Variants in MCM9 observed in about 807,000 individuals in gnomAD.
MCM9 encodes minichromosome maintenance 9 homologous recombination repair factor, also known as DNA helicase MCM9.
A neutral mutation model predicts 72.8 loss-of-function variants in MCM9; 55 were observed. That is an observed-to-expected ratio of 0.76 (90% confidence interval 0.61 to 0.95). The LOEUF is 0.95. Among genes scored for constraint, MCM9 ranks in the 40% least tolerant of loss-of-function variants. The pLI is 0.00. For synonymous variants in MCM9, 480 were observed against 503.4 expected (o/e 0.95, Z 0.62); for missense variants, 1,279 against 1,377.0 (o/e 0.93, Z 1.13).
chr6:118,820,417 T>C (rs1303075993), intron 13 of MCM9, among the ~76,000 whole-genome samples: 2 of 152,190 alleles, frequency 1.3e-5, no homozygotes, highest in African/African-American at 4.8e-5. Flanking sequence ...TCAGTTTCCA[T>C]GTAGTTGTGC....
At chr6:118,826,440 T>G (rs1427618213) in intron 12 of MCM9, 148 bp from the exon 13 acceptor site, 6 of 798,676 alleles carry the variant, frequency 7.5e-6, no homozygotes, top group Non-Finnish European at 1.1e-5. Flanking sequence ...CTTTTTCAAC[T>G]TTCTATAGTT....
chr6:118,841,140 G>A (rs1583397312), intron 9 of MCM9, among the ~76,000 whole-genome samples: 1 of 152,304 alleles, frequency 6.6e-6, no homozygotes, highest in East Asian at 1.9e-4. Context: ...TTACAAGCAA[G>A]GGGAATAGGA....
At chr6:118,850,489 A>G (rs1463892835) in intron 9 of MCM9, among the ~76,000 whole-genome samples, 1 of 151,910 alleles carries the variant, frequency 6.6e-6, no homozygotes, top group African/African-American at 2.4e-5. Context: ...CAGAGACGAC[A>G]GTTATCACCC....
At chr6:118,851,317 T>C (rs1562410309) in intron 9 of MCM9, among the ~76,000 whole-genome samples, 1 of 151,786 alleles carries the variant, frequency 6.6e-6, no homozygotes, top group Admixed American at 6.5e-5. Flanking sequence ...ACCCAAGCTC[T>C]GTTACTATAA....
intron 8 of MCM9, among the ~76,000 whole-genome samples, chr6:118,858,284 A>G (rs1428376625): frequency 6.6e-6 from 1 of 152,202 alleles, no homozygotes; most frequent in African/African-American, 2.4e-5. Context: ...CAATAGATAC[A>G]GAAAATACAT....
chr6:118,888,627 CAT>C (rs770145166), intron 8 of MCM9, among the ~76,000 whole-genome samples: 90 of 152,218 alleles, frequency 5.9e-4, no homozygotes, highest in African/African-American at 1.3e-3. Context: ...AATTTGTACA[CAT>C]ATGTTAATAG....
chr6:118,884,085 T>A (rs571533324), intron 8 of MCM9, among the ~76,000 whole-genome samples: 1 of 152,294 alleles, frequency 6.6e-6, no homozygotes, highest in East Asian at 1.9e-4. Context: ...TATATTGGAT[T>A]AAGGAAATGA....
rs1293776195 is a variant in MCM9 at position 118,826,823 on chromosome 6, C to T, written c.1774G>A (p.Asp592Asn). 6.4e-7 allele frequency: 1 copy of T among 1,550,466 alleles called. No homozygotes were observed. Among genetic ancestry groups the T allele is most frequent in the African/African-American group, 1.4e-5 (1 of 73,162 alleles). ...ATGACTGACACCACCGTAATAGCGT[C>T]TTCCAGAGTTACAGTATCACGAAAC... ...LMFRDTVTLE[D>N]AITVVSVMES... The change falls in exon 12 of 14, where the codon GAC becomes AAC. Residue 592 changes from aspartate (D) to asparagine (N), a missense_variant. Physicochemically the swap from Asp to Asn is conservative, Grantham distance 23. Coordinates refer to ENST00000619706, the MANE Select transcript of MCM9 (RefSeq NM_017696.3).
chr6:118,819,655 C>G (rs746045091), intron 13 of MCM9, among the ~76,000 whole-genome samples: 11 of 152,154 alleles, frequency 7.2e-5, no homozygotes, highest in Non-Finnish European at 1.3e-4. Context: ...AGTGGGGAGT[C>G]CCTCTTTTTC....
At chr6:118,899,816 C>T (rs926912738) in intron 8 of MCM9, among the ~76,000 whole-genome samples, 1 of 152,236 alleles carries the variant, frequency 6.6e-6, no homozygotes, top group Non-Finnish European at 1.5e-5. Context: ...GAAACTCACC[C>T]TTTGGGAGTG....
chr6:118,858,618 TCTA>T (rs1425960836), intron 8 of MCM9, among the ~76,000 whole-genome samples: 1 of 152,104 alleles, frequency 6.6e-6, no homozygotes, highest in Non-Finnish European at 1.5e-5. Flanking sequence ...TCCCAAATAA[TCTA>T]CTAAAAACCA....
intron 13 of MCM9, among the ~76,000 whole-genome samples, chr6:118,822,137 A>G (rs762642116): frequency 5.3e-5 from 8 of 152,122 alleles, no homozygotes; most frequent in Non-Finnish European, 1.2e-4. Context: ...CAATTCGTCA[A>G]TCTCATTCTC....
Position 118,911,644 on chromosome 6 carries a change from C to T in MCM9, c.1150+6G>A, listed in dbSNP as rs753632885. ...TTAAATTACTTGAAATTGTCACATA[C>T]AATACCTGCACTAGTAGATCCAATT... On this transcript the variant is annotated splice_donor_region_variant and intron_variant, in intron 8 of 13. Transcript: ENST00000619706. The T allele has an allele frequency of 1.9e-6, 3 of 1,605,784 alleles. No individual in the cohort carries two copies. The highest frequency in any genetic ancestry group is 2.2e-5 in the East Asian group (1 of 44,634).
intron 3 of MCM9, among the ~76,000 whole-genome samples, chr6:118,928,608 G>A (rs1782101095): frequency 6.6e-6 from 1 of 151,802 alleles, no homozygotes; most frequent in Non-Finnish European, 1.5e-5. Flanking sequence ...AGTACTTTGG[G>A]AGGCTGAAGC....
At chr6:118,851,183 A>G (rs1401724367) in intron 9 of MCM9, among the ~76,000 whole-genome samples, 1 of 151,836 alleles carries the variant, frequency 6.6e-6, no homozygotes, top group Non-Finnish European at 1.5e-5. Context: ...AGCATGTATT[A>G]GAAACATTTC....
chr6:118,901,680 A>G, intron 8 of MCM9, among the ~76,000 whole-genome samples: 1 of 152,310 alleles, frequency 6.6e-6, no homozygotes. Context: ...ATGCTTATTT[A>G]TAAGGGAGAT....
chr6:118,905,883 G>A (rs747198371), intron 8 of MCM9: 21 of 1,338,308 alleles, frequency 1.6e-5, no homozygotes, highest in Non-Finnish European at 1.9e-5. Context: ...TTTTAAAGCA[G>A]TTGCTATTGC....
intron 3 of MCM9, among the ~76,000 whole-genome samples, chr6:118,929,028 T>C (rs1782154421): frequency 6.6e-6 from 1 of 151,976 alleles, no homozygotes; most frequent in Non-Finnish European, 1.5e-5. Flanking sequence ...AAGACCAGCC[T>C]GAGCAACATG....
intron 8 of MCM9, among the ~76,000 whole-genome samples, chr6:118,874,041 C>A (rs921856543): frequency 2.6e-5 from 4 of 152,000 alleles, no homozygotes; most frequent in Non-Finnish European, 5.9e-5. Flanking sequence ...ATTGCTTGAG[C>A]CCAGAAGTTC....
Sources: gnomAD v4.1 joint callset for allele counts (sites outside exome capture counted in the v4.1 genomes callset) on GRCh38, gnomAD v4.1.1 for gene constraint, MANE v1.5 for transcripts, NCBI Gene and HGNC (gene_info 2026-07-23, HGNC 2026-07-21) for gene names.